The following SYNPO variants were observed in gnomAD, a reference collection of about 807,000 sequenced individuals.
The protein encoded by SYNPO is synaptopodin.
In SYNPO, 19 loss-of-function variants were observed where a neutral mutation model predicts 49.5. The ratio of observed to expected loss-of-function variants is 0.38; its 90% CI spans 0.27 to 0.56. The LOEUF is 0.56. SYNPO is among the 20% of genes least tolerant of loss of function. The pLI is 0.68. For synonymous variants in SYNPO, 536 were observed against 548.0 expected, an observed-to-expected ratio of 0.98 and a Z score of 0.31; for missense variants, 1,131 against 1,248.3, an observed-to-expected ratio of 0.91 and a Z score of 1.42.
At chr5:150,655,731 C>A (rs1219857861) in intron 2 of SYNPO, among the ~76,000 whole-genome samples, 2 of 152,238 alleles carry the variant, frequency 1.3e-5, no homozygotes, top group Non-Finnish European at 2.9e-5. Context: ...CGGCTCACTG[C>A]AACCTCCGCC....
chr5:150,588,492 G>A, the SYNPO span, among the ~76,000 whole-genome samples: 1 of 152,156 alleles, frequency 6.6e-6, no homozygotes, highest in African/African-American at 2.4e-5. Flanking sequence ...GGCTCCACAT[G>A]TTGGGAAGGG....
intron 2 of SYNPO, among the ~76,000 whole-genome samples, chr5:150,627,148 C>T (rs920740620): frequency 3.9e-5 from 6 of 152,076 alleles, no homozygotes; most frequent in Admixed American, 6.5e-5. Context: ...ATGAGCTCAT[C>T]GGAGCTGCTG....
intron 2 of SYNPO, chr5:150,653,369 T>C (rs539897914): frequency 6.6e-6 from 1 of 151,806 alleles, no homozygotes; most frequent in Admixed American, 6.5e-5. Flanking sequence ...GGCTGAATTG[T>C]TATTTCTTCC....
chr5:150,609,938 G>A (rs1050161233), intron 1 of SYNPO, among the ~76,000 whole-genome samples: 1 of 152,194 alleles, frequency 6.6e-6, no homozygotes, highest in African/African-American at 2.4e-5. Context: ...GTGCAGAGTG[G>A]CCTCTGCCCT....
intron 2 of SYNPO, among the ~76,000 whole-genome samples, chr5:150,626,257 C>T (rs1757353507): frequency 6.6e-6 from 1 of 152,172 alleles, no homozygotes; most frequent in African/African-American, 2.4e-5. Context: ...AGATGAGATC[C>T]CTCAGGGGAG....
chr5:150,616,762 TCTC>T (rs1172995644), intron 1 of SYNPO, among the ~76,000 whole-genome samples: 1 of 151,902 alleles, frequency 6.6e-6, no homozygotes, highest in African/African-American at 2.4e-5. Flanking sequence ...TCCTCCCTCT[TCTC>T]CACACCCACT....
chr5:150,590,374 A>G, the SYNPO span, among the ~76,000 whole-genome samples: 1 of 152,224 alleles, frequency 6.6e-6, no homozygotes, highest in African/African-American at 2.4e-5. Flanking sequence ...ATAGCTCAGA[A>G]GGGGATGTGG....
upstream of SYNPO, among the ~76,000 whole-genome samples, chr5:150,596,793 C>A (rs918267609): frequency 2.0e-5 from 3 of 152,248 alleles, no homozygotes; most frequent in East Asian, 3.9e-4. Context: ...ATCTCCTGCA[C>A]GGGCTCAGAT....
intron 1 of SYNPO, among the ~76,000 whole-genome samples, chr5:150,606,429 A>G (rs1303356059): frequency 6.6e-6 from 1 of 152,186 alleles, no homozygotes; most frequent in East Asian, 1.9e-4. Flanking sequence ...CACTGTGATT[A>G]TTCTTGATTT....
chr5:150,623,192 G>T (rs1453393536), intron 2 of SYNPO, among the ~76,000 whole-genome samples: 1 of 152,182 alleles, frequency 6.6e-6, no homozygotes, highest in East Asian at 1.9e-4. Flanking sequence ...CAGGTGAAAA[G>T]CATGTTCTTT....
At chr5:150,634,890 T>C in intron 2 of SYNPO, among the ~76,000 whole-genome samples, 1 of 149,262 alleles carries the variant, frequency 6.7e-6, no homozygotes, top group Non-Finnish European at 1.5e-5. Context: ...AAGGGGACAC[T>C]CTCCACAGCC....
In SYNPO at chr5:150,649,395, C is replaced by T. The variant is rs773656252; in HGVS notation, c.1120C>T (p.Arg374Trp). The T allele has an allele frequency of 1.2e-5, 19 of 1,613,992 alleles. No individual in the cohort carries two copies. Among genetic ancestry groups the T allele is most frequent in the East Asian group, 6.7e-5 (3 of 44,896 alleles). Residue 374 changes from arginine (R) to tryptophan (W), a missense_variant, in exon 2 of 3, where the codon CGG becomes TGG. Arg to Trp is a moderately radical substitution (Grantham distance 101). This residue lies in a region of SYNPO where 602 missense variants were observed against 720.7 expected (regional missense o/e 0.84). Coordinates refer to ENST00000307662, the MANE Select transcript of SYNPO (RefSeq NM_007286.6). Reference protein sequence around the residue: ...TGILEESMARRGSRKSMFTFV... With the variant: ...TGILEESMARWGSRKSMFTFV... ...CATTCTGGAGGAGTCGATGGCCCGC[C>T]GGGGCAGCCGCAAATCCATGTTTAC...
intron 1 of SYNPO, among the ~76,000 whole-genome samples, chr5:150,616,816 T>C (rs1196073312): frequency 1.3e-5 from 2 of 152,114 alleles, no homozygotes; most frequent in Non-Finnish European, 2.9e-5. Flanking sequence ...TCCACCCAAG[T>C]ATCTCTCCCA....
At chr5:150,654,779 T>G (rs963109669) in intron 2 of SYNPO, among the ~76,000 whole-genome samples, 1 of 152,222 alleles carries the variant, frequency 6.6e-6, no homozygotes, top group African/African-American at 2.4e-5. Flanking sequence ...GAGGTGACCA[T>G]GGCAACATGG....
intron 2 of SYNPO, chr5:150,650,907 G>C (rs1021649013): frequency 2.4e-6 from 3 of 1,254,092 alleles, no homozygotes; most frequent in Non-Finnish European, 1.0e-6. Context: ...CTGCTTCAGA[G>C]AGCTTTGCCT....
At chr5:150,604,359 C>T (rs1247370933) in intron 1 of SYNPO, among the ~76,000 whole-genome samples, 1 of 152,156 alleles carries the variant, frequency 6.6e-6, no homozygotes, top group Non-Finnish European at 1.5e-5. Flanking sequence ...AGTAAGCCAC[C>T]CTGTTGGGCT....
At chr5:150,598,119 G>A (rs1483638060), upstream of SYNPO, among the ~76,000 whole-genome samples, 4 of 152,200 alleles carry the variant, frequency 2.6e-5, no homozygotes, top group South Asian at 2.1e-4. Flanking sequence ...CACGGGTAGG[G>A]CTCGCCAGAC....
the SYNPO span, among the ~76,000 whole-genome samples, chr5:150,594,351 C>T: frequency 6.6e-6 from 1 of 152,186 alleles, no homozygotes; most frequent in Admixed American, 6.5e-5. Context: ...CTTGCAGAGC[C>T]AGGAGGCTGG....
chr5:150,650,062 T>G lies in SYNPO; in HGVS notation c.1787T>G (p.Leu596Trp). ...GCCTCGCCCGCCAAGCCCAGCTCCT[T>G]GGACCTGGTGCCCAACCTGCCCAAG... is the stretch of plus-strand genomic sequence containing the variant. ...RAASPAKPSS[L>W]DLVPNLPKGA... Residue 596 changes from leucine to tryptophan, a missense_variant, in exon 2 of 3, where the codon TTG becomes TGG. By Grantham distance (61) the Leu-to-Trp change is moderately conservative. Coordinates refer to ENST00000307662, the MANE Select transcript of SYNPO (RefSeq NM_007286.6). 6.2e-7 allele frequency: 1 copy of G among 1,613,336 alleles called. No individual in the cohort carries two copies. Among genetic ancestry groups the G allele is most frequent in the South Asian group, 1.1e-5 (1 of 91,090 alleles).
Sources: allele counts gnomAD v4.1 joint callset (sites outside exome capture counted in the v4.1 genomes callset), GRCh38; gene constraint gnomAD v4.1.1; regional missense constraint gnomAD v4.1.1; transcripts MANE v1.5; gene names NCBI Gene and HGNC (gene_info 2026-07-23, HGNC 2026-07-21).